FAM13A: variants seen among roughly 807,000 people sequenced by gnomAD.
FAM13A encodes the protein protein FAM13A.
In FAM13A, 76 loss-of-function variants were observed where a neutral mutation model predicts 129.6. The observed-to-expected ratio is 0.59, with a 90% CI of 0.49 to 0.71. The LOEUF is 0.71. Among genes scored for constraint, FAM13A ranks in the 30% least tolerant of loss-of-function variants. The pLI is 0.00. For missense variants in FAM13A, 1,108 were observed against 1,249.3 expected, an observed-to-expected ratio of 0.89 and a Z score of 1.70; for synonymous variants, 443 against 449.9, an observed-to-expected ratio of 0.98 and a Z score of 0.20.
At chr4:88,856,789 G>C (rs1738586913) in intron 6 of FAM13A, among the ~76,000 whole-genome samples, 1 of 152,132 alleles carries the variant, frequency 6.6e-6, no homozygotes, top group Non-Finnish European at 1.5e-5. Flanking sequence ...AGATGGCAAA[G>C]CTTCTTGCCT....
intron 7 of FAM13A, among the ~76,000 whole-genome samples, chr4:88,841,311 T>C (rs1735774642): frequency 1.3e-5 from 2 of 151,958 alleles, no homozygotes; most frequent in African/African-American, 4.8e-5. Flanking sequence ...CTGACCAACA[T>C]GGTGAAACCC....
chr4:88,888,575 G>A (rs1744813286), intron 6 of FAM13A, among the ~76,000 whole-genome samples: 1 of 152,054 alleles, frequency 6.6e-6, no homozygotes, highest in South Asian at 2.1e-4. Context: ...ATCATTAAAA[G>A]TAAATAAATA....
intron 1 of FAM13A, among the ~76,000 whole-genome samples, chr4:89,053,521 C>A (rs1218048299): frequency 6.6e-6 from 1 of 152,064 alleles, no homozygotes; most frequent in Non-Finnish European, 1.5e-5. Flanking sequence ...CGCGACTGTA[C>A]GTTCCTGCTT....
chr4:88,963,103 CA>C (rs1486678058), intron 4 of FAM13A, among the ~76,000 whole-genome samples: 6 of 151,916 alleles, frequency 3.9e-5, no homozygotes, highest in Non-Finnish European at 8.8e-5. Flanking sequence ...AAGCAAGTAT[CA>C]TTTTTATGAA....
intron 13 of FAM13A, among the ~76,000 whole-genome samples, chr4:88,761,820 C>A: frequency 6.6e-6 from 1 of 152,046 alleles, no homozygotes; most frequent in African/African-American, 2.4e-5. Flanking sequence ...CTTATTAATT[C>A]AAAAGAAATG....
intron 5 of FAM13A, among the ~76,000 whole-genome samples, chr4:88,909,764 A>T (rs1579228903): frequency 6.6e-6 from 1 of 152,124 alleles, no homozygotes; most frequent in African/African-American, 2.4e-5. Context: ...GGATTACAGA[A>T]GTGAGCCACC....
At chr4:88,796,299 G>C (rs1233105149) in intron 8 of FAM13A, among the ~76,000 whole-genome samples, 1 of 151,876 alleles carries the variant, frequency 6.6e-6, no homozygotes, top group Non-Finnish European at 1.5e-5. Context: ...TTGGTTGATT[G>C]AAAGTTTTTG....
chr4:88,838,580 A>G (rs1233493521), intron 7 of FAM13A, among the ~76,000 whole-genome samples: 1 of 152,054 alleles, frequency 6.6e-6, no homozygotes, highest in Non-Finnish European at 1.5e-5. Context: ...CACAAAAATT[A>G]GCCGGGCGTG....
chr4:89,017,229 G>T (rs542457503), intron 3 of FAM13A, among the ~76,000 whole-genome samples: 1 of 152,012 alleles, frequency 6.6e-6, no homozygotes, highest in South Asian at 2.1e-4. Flanking sequence ...TCTAACCAGA[G>T]ATTTTAAGGG....
intron 21 of FAM13A, chr4:88,732,422 G>T: frequency 2.5e-6 from 1 of 394,104 alleles, no homozygotes; most frequent in South Asian, 8.6e-5. Flanking sequence ...AGAGAAAACA[G>T]ACTGCAAAAC....
chr4:88,893,722 G>A (rs1745800405), intron 6 of FAM13A, among the ~76,000 whole-genome samples: 1 of 151,980 alleles, frequency 6.6e-6, no homozygotes, highest in African/African-American at 2.4e-5. Flanking sequence ...TAGCTACTCG[G>A]GAGGGTGAGG....
chr4:88,729,527 C>G (rs1455405814), intron 23 of FAM13A: 1 of 152,184 alleles, frequency 6.6e-6, no homozygotes, highest in Non-Finnish European at 1.5e-5. Flanking sequence ...TGATCTTATT[C>G]ATACCCTGCC....
intron 6 of FAM13A, among the ~76,000 whole-genome samples, chr4:88,884,070 T>C (rs1348511366): frequency 6.6e-6 from 1 of 152,148 alleles, no homozygotes; most frequent in Admixed American, 6.6e-5. Flanking sequence ...AGCTGAATTC[T>C]GTCAGACATT....
chr4:88,906,080 G>A (rs942475257), intron 6 of FAM13A, among the ~76,000 whole-genome samples: 10 of 152,294 alleles, frequency 6.6e-5, no homozygotes, highest in Middle Eastern at 6.8e-3. Flanking sequence ...CTGAGGTCAG[G>A]AGTTTGAGAC....
chr4:88,984,209 T>C (rs552426772), intron 4 of FAM13A, among the ~76,000 whole-genome samples: 2 of 152,238 alleles, frequency 1.3e-5, no homozygotes, highest in South Asian at 4.1e-4. Flanking sequence ...AGAAGATGAA[T>C]AAATCTTCAT....
At chr4:88,869,401 G>A (rs1285897656) in intron 6 of FAM13A, among the ~76,000 whole-genome samples, 1 of 152,146 alleles carries the variant, frequency 6.6e-6, no homozygotes, top group Non-Finnish European at 1.5e-5. Flanking sequence ...TTCTTTCACT[G>A]GGCTTCAGCC....
chr4:88,865,965 G>C (rs1056795930), intron 6 of FAM13A, among the ~76,000 whole-genome samples: 9 of 143,598 alleles, frequency 6.3e-5, no homozygotes, highest in Admixed American at 7.3e-5. Context: ...TCTGCCTCCT[G>C]GGTTCAAGCG....
chr4:88,901,031 T>C (rs1393405387), intron 6 of FAM13A, among the ~76,000 whole-genome samples: 1 of 151,572 alleles, frequency 6.6e-6, no homozygotes, highest in African/African-American at 2.4e-5. Context: ...CCAACAACAA[T>C]AAAAAAAGAC....
chr4:88,789,706 G>A (rs1724725151), intron 9 of FAM13A, among the ~76,000 whole-genome samples: 1 of 152,152 alleles, frequency 6.6e-6, no homozygotes, highest in South Asian at 2.1e-4. Flanking sequence ...AAGAAATAAT[G>A]TAATTTCCAA....
Sources: gnomAD v4.1 joint callset for allele counts (sites outside exome capture counted in the v4.1 genomes callset) on GRCh38, gnomAD v4.1.1 for gene constraint, MANE v1.5 for transcripts, NCBI Gene and HGNC (gene_info 2026-07-23, HGNC 2026-07-21) for gene names.